PTPRT: variants seen among roughly 807,000 people sequenced by gnomAD.
PTPRT encodes receptor-type tyrosine-protein phosphatase T.
Under a neutral mutation model 176.8 loss-of-function variants are expected in PTPRT, and 56 were observed. The ratio of observed to expected loss-of-function variants is 0.32; its 90% CI spans 0.26 to 0.40. The LOEUF (loss-of-function observed/expected upper bound fraction) is 0.40, where lower values mean the gene tolerates loss of function less well. Among genes scored for constraint, PTPRT ranks in the 10% least tolerant of loss-of-function variants. The probability of loss-of-function intolerance (pLI) is 1.00; values close to 1 mark genes in which losing one functional copy is unlikely to be tolerated. For synonymous variants in PTPRT, 783 were observed against 739.0 expected (o/e 1.06, Z -0.96); for missense variants, 1,540 against 1,908.2 (o/e 0.81, Z 3.60).
At chr20:42,202,726 G>A (rs1399602546) in intron 15 of PTPRT, among the ~76,000 whole-genome samples, 1 of 152,192 alleles carries the variant, frequency 6.6e-6, no homozygotes, top group Non-Finnish European at 1.5e-5. Flanking sequence ...TCTGATAAGA[G>A]AGTTAACTTA....
chr20:43,067,580 T>A (rs574792015), intron 1 of PTPRT, among the ~76,000 whole-genome samples: 1 of 152,216 alleles, frequency 6.6e-6, no homozygotes, highest in East Asian at 1.9e-4. Flanking sequence ...TGATCTGAGA[T>A]GTACTTTCAG....
chr20:42,814,763 G>C (rs967647410), intron 2 of PTPRT, among the ~76,000 whole-genome samples: 1 of 152,132 alleles, frequency 6.6e-6, no homozygotes, highest in Non-Finnish European at 1.5e-5. Context: ...AACTTCATGT[G>C]TTAGAAGAAA....
chr20:43,004,170 T>TAAAAAAAAAAAAAAAAAAA (rs10618644), intron 1 of PTPRT, among the ~76,000 whole-genome samples: 2 of 127,292 alleles, frequency 1.6e-5, no homozygotes, highest in African/African-American at 2.7e-5. Flanking sequence ...AACCAAGATG[T>TAAAAAAAAAAAAAAAAAAA]AAAAAAAAAA....
intron 12 of PTPRT, among the ~76,000 whole-genome samples, chr20:42,314,826 AG>A (rs2057692212): frequency 3.3e-5 from 5 of 152,228 alleles, no homozygotes; most frequent in Admixed American, 3.3e-4. Flanking sequence ...TACATTAAAA[AG>A]CCTCCTTAGA....
chr20:42,270,006 CT>C (rs1225734180), intron 13 of PTPRT, among the ~76,000 whole-genome samples: 5 of 152,056 alleles, frequency 3.3e-5, no homozygotes, highest in Non-Finnish European at 7.4e-5. Flanking sequence ...TACCATGTAC[CT>C]TTCCTTTGTA....
Position 42,303,239 on chromosome 20 carries a change from A to G in PTPRT, c.2139+12484T>C, listed in dbSNP as rs143787306. Among the ~76,000 whole-genome samples the G allele has an allele frequency of 8.2e-3, 1,245 of 152,322 alleles. 8 individuals are homozygous for G. The highest frequency in any genetic ancestry group is 0.033 in the South Asian group (161 of 4,824). ...TAATTGATGTTTGTAAAGTCTTTGA[A>G]ATTCTCAGGTGACAGATGTAATCAA... On this transcript the variant is annotated intron_variant, in intron 12 of 30. Transcript: ENST00000373187.
intron 9 of PTPRT, among the ~76,000 whole-genome samples, chr20:42,415,793 G>A (rs1434431958): frequency 6.6e-6 from 1 of 152,168 alleles, no homozygotes; most frequent in Non-Finnish European, 1.5e-5. Context: ...GAGTGATGCT[G>A]TATGAGGATG....
chr20:42,652,194 A>G (rs577818779), intron 7 of PTPRT, among the ~76,000 whole-genome samples: 10 of 152,362 alleles, frequency 6.6e-5, no homozygotes, highest in East Asian at 3.9e-4. Flanking sequence ...TGACAAAAAA[A>G]ATGGTCTATT....
chr20:42,944,065 T>C (rs1980733160), intron 1 of PTPRT, among the ~76,000 whole-genome samples: 1 of 151,770 alleles, frequency 6.6e-6, no homozygotes, highest in Admixed American at 6.6e-5. Flanking sequence ...CAAACAAACC[T>C]CCTTGAAATT....
intron 1 of PTPRT, among the ~76,000 whole-genome samples, chr20:43,127,131 C>T (rs994810668): frequency 3.9e-5 from 6 of 151,998 alleles, no homozygotes; most frequent in African/African-American, 1.4e-4. Flanking sequence ...AAATGCAACT[C>T]TAAACATGGC....
intron 6 of PTPRT, among the ~76,000 whole-genome samples, chr20:42,679,329 C>T (rs1208486167): frequency 2.0e-5 from 3 of 151,444 alleles, no homozygotes; most frequent in Non-Finnish European, 2.9e-5. Context: ...CCTAAGAAAT[C>T]AGGTCACCTA....
At chr20:42,433,570 G>T (rs1208478512) in intron 9 of PTPRT, among the ~76,000 whole-genome samples, 1 of 152,180 alleles carries the variant, frequency 6.6e-6, no homozygotes, top group African/African-American at 2.4e-5. Flanking sequence ...AATGGTATTA[G>T]GGAGGAGTCA....
intron 8 of PTPRT, among the ~76,000 whole-genome samples, chr20:42,469,964 C>T (rs371902591): frequency 2.6e-5 from 4 of 151,910 alleles, no homozygotes; most frequent in Admixed American, 6.6e-5. Flanking sequence ...ATTTAGAACT[C>T]GCTTAGATGA....
chr20:42,106,665 T>A, intron 24 of PTPRT, 121 bp downstream of exon 24: 1 of 1,340,954 alleles, frequency 7.5e-7, no homozygotes, highest in Non-Finnish European at 1.0e-6. Flanking sequence ...CCCTCCTGCT[T>A]CTCTCACACC....
At chr20:42,115,084 G>A in intron 22 of PTPRT, 115 bp downstream of exon 22, 1 of 736,654 alleles carries the variant, frequency 1.4e-6, no homozygotes, top group Non-Finnish European at 2.4e-6. Flanking sequence ...ATCTGTTGCT[G>A]GTGCCAAGTA....
At chr20:42,410,948 T>C (rs2059009610) in intron 9 of PTPRT, among the ~76,000 whole-genome samples, 1 of 152,164 alleles carries the variant, frequency 6.6e-6, no homozygotes, top group Admixed American at 6.6e-5. Context: ...GGTAAATTTA[T>C]GGCAGTAAAA....
At chr20:42,998,909 A>G (rs1984374517) in intron 1 of PTPRT, among the ~76,000 whole-genome samples, 1 of 152,208 alleles carries the variant, frequency 6.6e-6, no homozygotes. Flanking sequence ...TGATGGGGAT[A>G]TTTCTGTCTA....
rs531110194 is a variant in PTPRT at position 42,729,790 on chromosome 20, T to C, written c.859+26672A>G. Among the ~76,000 whole-genome samples the C allele has an allele frequency of 3.3e-5, 5 of 152,278 alleles. No homozygotes were observed. In the South Asian group the frequency reaches 1.0e-3, roughly 32 times the overall value. On this transcript the variant is annotated intron_variant, in intron 6 of 30. Transcript: ENST00000373187. ...GACTGGAGGCTCTCCCATGAAATCA[T>C]AGATAACCTGATTTCCCCATGGCTA...
At chr20:42,743,425 G>A (rs1179763853) in intron 6 of PTPRT, among the ~76,000 whole-genome samples, 1 of 152,214 alleles carries the variant, frequency 6.6e-6, no homozygotes, top group African/African-American at 2.4e-5. Flanking sequence ...CTGCCCAAGA[G>A]GTGGGAAAGC....
Sources: gnomAD v4.1 joint callset for allele counts (sites outside exome capture counted in the v4.1 genomes callset) on GRCh38, gnomAD v4.1.1 for gene constraint, MANE v1.5 for transcripts, NCBI Gene and HGNC (gene_info 2026-07-23, HGNC 2026-07-21) for gene names.